The following UBE3B variants were observed in gnomAD, a reference collection of about 807,000 sequenced individuals.
UBE3B encodes ubiquitin protein ligase E3B, also known as ubiquitin-protein ligase E3B.
In UBE3B, 80 loss-of-function variants were observed where a neutral mutation model predicts 132.3. That is an observed-to-expected ratio of 0.60 (90% CI 0.50 to 0.73). The LOEUF is 0.73. Ranked by LOEUF, UBE3B falls within the 30% of genes least tolerant of loss-of-function variation. The pLI is 0.00. For synonymous variants in UBE3B, 487 were observed against 520.4 expected (o/e 0.94, Z 0.87); for missense variants, 1,196 against 1,362.5 (o/e 0.88, Z 1.92).
At chr12:109,503,617 A>G (rs1382524926) in intron 14 of UBE3B, among the ~76,000 whole-genome samples, 1 of 152,226 alleles carries the variant, frequency 6.6e-6, no homozygotes, top group Non-Finnish European at 1.5e-5. Context: ...TTCCTTTCCA[A>G]TAATCATTTT....
At chr12:109,505,678 C>T (rs1879568609) in intron 14 of UBE3B, among the ~76,000 whole-genome samples, 1 of 152,166 alleles carries the variant, frequency 6.6e-6, no homozygotes, top group Non-Finnish European at 1.5e-5. Context: ...ATAACCACAT[C>T]CTCCTACCCT....
Position 109,507,854 on chromosome 12 carries a change from G to C in UBE3B, c.1622+119G>C, listed in dbSNP as rs934981070. 3.3e-6 allele frequency: 4 copies of C among 1,230,544 alleles called. No individual in the cohort carries two copies. In the Admixed American group the frequency reaches 7.1e-5, roughly 22 times the overall value. 76.2% of individuals were successfully genotyped at this position (1,230,544 alleles called of 1,614,324 possible). A position where few individuals can be genotyped will look rare whatever the true frequency, so the allele number is the denominator to read the frequency against. ...TGCAAACATTTGGACCTGTGTGGCA[G>C]GGCATTGTAAGAACTAGCCATTTAC... is the stretch of plus-strand genomic sequence containing the variant. On this transcript the variant is annotated intron_variant, in intron 15 of 27. Transcript: ENST00000342494.
chr12:109,503,235 G>A (rs1007543630), intron 14 of UBE3B, 45 bp downstream of exon 14: 1 of 1,594,640 alleles, frequency 6.3e-7, no homozygotes, highest in Admixed American at 1.7e-5. Flanking sequence ...ACATTTGGCA[G>A]ACAGTTTGTC....
intron 14 of UBE3B, among the ~76,000 whole-genome samples, chr12:109,504,641 T>A (rs1229796581): frequency 1.3e-5 from 2 of 152,124 alleles, no homozygotes; most frequent in African/African-American, 4.8e-5. Flanking sequence ...GAGCATCAGC[T>A]GAGGGATGGA....
At chr12:109,490,206 A>C (rs1314668327) in intron 8 of UBE3B, 1 of 857,588 alleles carries the variant, frequency 1.2e-6, no homozygotes, top group African/African-American at 1.7e-5. Flanking sequence ...TGGTGCTGGG[A>C]TCCCTTGAAT....
chr12:109,497,190 C>T (rs1450981219), intron 9 of UBE3B, among the ~76,000 whole-genome samples: 2 of 151,812 alleles, frequency 1.3e-5, no homozygotes, highest in African/African-American at 4.8e-5. Flanking sequence ...AAAAAAATTT[C>T]TCATAATTCT....
intron 15 of UBE3B, chr12:109,508,735 A>G (rs2135975939): frequency 1.0e-6 from 1 of 985,460 alleles, no homozygotes; most frequent in Non-Finnish European, 1.2e-6. Context: ...CCAAGAGTGA[A>G]TCTTATTCTA....
chr12:109,531,709 T>C (rs1369198292), intron 26 of UBE3B, among the ~76,000 whole-genome samples: 1 of 151,884 alleles, frequency 6.6e-6, no homozygotes, highest in Non-Finnish European at 1.5e-5. Context: ...TCTCCGGGGA[T>C]TTAGGATGGG....
At chr12:109,521,000 T>G in intron 19 of UBE3B, 148 bp from the exon 20 acceptor site, 2 of 820,878 alleles carry the variant, frequency 2.4e-6, no homozygotes, top group Middle Eastern at 3.7e-4. Flanking sequence ...CAAAAGCAGG[T>G]GAGAACGGCT....
At chr12:109,523,472 T>A (rs1881950264) in intron 21 of UBE3B, among the ~76,000 whole-genome samples, 1 of 152,130 alleles carries the variant, frequency 6.6e-6, no homozygotes, top group South Asian at 2.1e-4. Context: ...ATCCCTGGAG[T>A]ATGCCTGGGG....
chr12:109,545,483 T>G, the UBE3B span, among the ~76,000 whole-genome samples: 1 of 152,200 alleles, frequency 6.6e-6, no homozygotes, highest in Non-Finnish European at 1.5e-5. Context: ...TGGCATCTAG[T>G]GCTGTGCTAT....
In UBE3B at chr12:109,483,790, G is replaced by T. The variant is rs561861822; in HGVS notation, c.162-71G>T. The T allele has an allele frequency of 7.6e-6, 12 of 1,588,470 alleles. No homozygotes were observed. The African/African-American group carries it at 1.5e-4, about 20-fold the overall frequency. On this transcript the variant is annotated intron_variant, in intron 3 of 27. Transcript: ENST00000342494. Reference sequence around the variant, plus strand: ...AGATAAATGAGTTTTTTCTCATAAAGTGCTTGAAAAGCCTTCCAGGTGCTA... The same window carrying T: ...AGATAAATGAGTTTTTTCTCATAAATTGCTTGAAAAGCCTTCCAGGTGCTA...
At chr12:109,543,306 G>A in the UBE3B span, among the ~76,000 whole-genome samples, 7 of 152,326 alleles carry the variant, frequency 4.6e-5, no homozygotes, top group East Asian at 3.9e-4. Flanking sequence ...AATAATCCAC[G>A]GACCTGTCAC....
chr12:109,498,293 C>A lies in UBE3B; in HGVS notation c.880C>A (p.Gln294Lys). 2 of 1,614,054 alleles carry A rather than the reference C, an allele frequency of 1.2e-6. No individual in the cohort carries two copies. Among genetic ancestry groups the A allele is most frequent in the East Asian group, 4.5e-5 (2 of 44,880 alleles). Residue 294 changes from glutamine to lysine, a missense_variant, in exon 11 of 28, where the codon CAA (glutamine) becomes AAA (lysine). Physicochemically the swap from Gln to Lys is moderately conservative, Grantham distance 53. Coordinates refer to ENST00000342494, the MANE Select transcript of UBE3B (RefSeq NM_130466.4). ...LRKFIIFLRDQDRCRDVCESL... is the reference protein window; with the variant it reads ...LRKFIIFLRDKDRCRDVCESL... ...TAAATTCATCATATTTTTAAGAGAC[C>A]AAGATCGATGCCGTGATGTATGTGA...
At position 109,508,116 on chromosome 12, in the gene UBE3B, G is replaced by A. The variant is rs558651470; in HGVS notation, c.1622+381G>A. ...CTAAGCAGATCTTGAGACACCCTGG[G>A]CAAGGGATCACGGATTCAACCTCTC... On this transcript the variant is annotated intron_variant, in intron 15 of 27. Transcript: ENST00000342494. Among the ~76,000 whole-genome samples, 39 of 152,294 alleles carry A rather than the reference G, an allele frequency of 2.6e-4. 1 individual carries two copies. The South Asian group carries it at 8.1e-3, about 32-fold the overall frequency.
chr12:109,484,154 A>G (rs1012592190), intron 4 of UBE3B, 173 bp downstream of exon 4: 5 of 613,768 alleles, frequency 8.1e-6, no homozygotes, highest in Non-Finnish European at 1.3e-5. Flanking sequence ...CAGTGCTTTT[A>G]GGAATCTTTT....
Position 109,491,100 on chromosome 12 carries a change from T to C in UBE3B, c.686T>C (p.Leu229Ser), listed in dbSNP as rs560455044. 5 of 1,614,116 alleles carry C rather than the reference T, an allele frequency of 3.1e-6. No individual in the cohort carries two copies. Among genetic ancestry groups the C allele is most frequent in the South Asian group, 1.1e-5 (1 of 91,072 alleles). The change falls in exon 9 of 28, where the codon TTA (leucine) becomes TCA (serine). Residue 229 changes from leucine to serine, a missense_variant. Leu to Ser is a moderately radical substitution (Grantham distance 145, BLOSUM62 -2). Transcript: ENST00000342494. ...RPRPCLSKGT[L>S]TAAFSLALRP... The stretch of plus-strand genomic sequence containing the variant: ...CGTCCTTGTCTATCCAAAGGCACTT[T>C]AACAGCAGCTTTTTCTCTAGCGTTA...
intron 5 of UBE3B, 96 bp from the exon 6 acceptor site, chr12:109,486,375 A>T (rs1566073660): frequency 1.0e-6 from 1 of 1,000,084 alleles, no homozygotes; most frequent in Non-Finnish European, 1.5e-6. Flanking sequence ...TTTATCTGGC[A>T]CTGGACCTAA....
rs546475040 is a variant in UBE3B at position 109,536,329 on chromosome 12, C to G, written c.*1547C>G. The G allele has an allele frequency of 6.6e-6, 1 of 152,222 alleles. No homozygotes were observed. The highest frequency in any genetic ancestry group is 2.4e-5 in the African/African-American group (1 of 41,452). 9.4% of individuals were successfully genotyped at this position (152,222 alleles called of 1,614,324 possible). A position where few individuals can be genotyped will look rare whatever the true frequency, so the allele number is the denominator to read the frequency against. On this transcript the variant is annotated 3_prime_UTR_variant, in exon 28 of 28. Coordinates refer to ENST00000342494, the MANE Select transcript of UBE3B (RefSeq NM_130466.4). ...TGAAGATTTCTTCTGAACGTGTGTG[C>G]GCACGCTGGGCGGGTTCGTGCATAC...
Sources: allele counts gnomAD v4.1 joint callset (sites outside exome capture counted in the v4.1 genomes callset), GRCh38; gene constraint gnomAD v4.1.1; transcripts MANE v1.5; gene names NCBI Gene and HGNC (gene_info 2026-07-23, HGNC 2026-07-21).